LRMDA: variants seen among roughly 807,000 people sequenced by gnomAD.
The protein encoded by LRMDA is leucine-rich melanocyte differentiation-associated protein.
LRMDA carries 18 observed loss-of-function variants against 29.8 expected under a neutral mutation model. The ratio of observed to expected loss-of-function variants is 0.60; its 90% CI spans 0.42 to 0.90. The LOEUF (loss-of-function observed/expected upper bound fraction) is 0.90, where lower values mean the gene tolerates loss of function less well. Among genes scored for constraint, LRMDA ranks in the 40% least tolerant of loss-of-function variants. The pLI is 0.00. For synonymous variants in LRMDA, 125 were observed against 109.4 expected, an observed-to-expected ratio of 1.14 and a Z score of -0.89; for missense variants, 273 against 273.9, an observed-to-expected ratio of 1.00 and a Z score of 0.02.
chr10:76,503,506 T>A (rs1842931728), intron 6 of LRMDA, among the ~76,000 whole-genome samples: 1 of 151,248 alleles, frequency 6.6e-6, no homozygotes, highest in Non-Finnish European at 1.5e-5. Flanking sequence ...CAATTTTGAA[T>A]GTGTTATTGT....
intron 2 of LRMDA, among the ~76,000 whole-genome samples, chr10:75,857,035 A>G (rs1485749943): frequency 1.3e-5 from 2 of 152,192 alleles, no homozygotes; most frequent in Non-Finnish European, 2.9e-5. Flanking sequence ...TTATACACCA[A>G]TAACAGACAA....
chr10:76,191,213 G>A (rs1851239930), intron 5 of LRMDA, among the ~76,000 whole-genome samples: 1 of 152,110 alleles, frequency 6.6e-6, no homozygotes. Context: ...GCGGTAAGAT[G>A]GGGTGCACTG....
intron 2 of LRMDA, among the ~76,000 whole-genome samples, chr10:75,775,753 T>C (rs571269655): frequency 1.3e-5 from 2 of 152,340 alleles, no homozygotes; most frequent in Middle Eastern, 6.8e-3. Flanking sequence ...TCAATTCTTA[T>C]GGCATTGTCC....
At chr10:75,460,216 G>A (rs370051032) in intron 2 of LRMDA, among the ~76,000 whole-genome samples, 8 of 152,288 alleles carry the variant, frequency 5.3e-5, no homozygotes, top group Admixed American at 3.3e-4. Flanking sequence ...AGAAGAAGCT[G>A]TATTTTGAAA....
intron 6 of LRMDA, among the ~76,000 whole-genome samples, chr10:76,380,852 C>T (rs1213291197): frequency 1.3e-5 from 2 of 151,360 alleles, no homozygotes; most frequent in Admixed American, 1.3e-4. Context: ...ATGTTAATTG[C>T]CACTGTTAAC....
chr10:75,765,587 A>AT (rs59724081), intron 2 of LRMDA, among the ~76,000 whole-genome samples: 8,184 of 148,960 alleles, frequency 0.055, 568 homozygotes, highest in African/African-American at 0.17. Context: ...GGTGTGCTCC[A>AT]TTTTTTTTTT....
chr10:75,632,208 C>T (rs755594606), intron 2 of LRMDA, among the ~76,000 whole-genome samples: 44 of 152,270 alleles, frequency 2.9e-4, no homozygotes, highest in Middle Eastern at 3.4e-3. Flanking sequence ...GGATATCAGC[C>T]TCTTAAACTT....
chr10:75,761,964 C>A (rs1277541654), intron 2 of LRMDA, among the ~76,000 whole-genome samples: 2 of 152,006 alleles, frequency 1.3e-5, no homozygotes, highest in African/African-American at 4.8e-5. Flanking sequence ...CCACGCCTGG[C>A]TAATTTTTAA....
intron 5 of LRMDA, among the ~76,000 whole-genome samples, chr10:76,184,598 G>A (rs1470508255): frequency 1.6e-4 from 25 of 152,194 alleles, no homozygotes; most frequent in Admixed American, 1.6e-3. Context: ...AGTGTATGAA[G>A]TGGGTAAGGA....
intron 2 of LRMDA, among the ~76,000 whole-genome samples, chr10:75,812,110 T>C (rs1843974013): frequency 1.1e-4 from 2 of 18,670 alleles, no homozygotes; most frequent in Admixed American, 8.4e-4. Context: ...TAATTGTGAT[T>C]TTTTTTTTTT....
chr10:75,967,046 G>A (rs1164286577), intron 2 of LRMDA, among the ~76,000 whole-genome samples: 1 of 152,200 alleles, frequency 6.6e-6, no homozygotes, highest in African/African-American at 2.4e-5. Context: ...AGGAGGCTGA[G>A]CTCCCTTTAG....
chr10:76,331,495 A>G (rs1840904773), intron 6 of LRMDA, among the ~76,000 whole-genome samples: 1 of 152,240 alleles, frequency 6.6e-6, no homozygotes, highest in African/African-American at 2.4e-5. Flanking sequence ...TAGAAGCACA[A>G]CAGATCCAAA....
intron 2 of LRMDA, among the ~76,000 whole-genome samples, chr10:75,795,117 T>C (rs1277280672): frequency 6.6e-6 from 1 of 152,096 alleles, no homozygotes; most frequent in Non-Finnish European, 1.5e-5. Context: ...GGATTCTGGC[T>C]GGGCACAGTG....
chr10:75,894,429 T>C (rs952762841), intron 2 of LRMDA, among the ~76,000 whole-genome samples: 4 of 152,240 alleles, frequency 2.6e-5, no homozygotes, highest in Non-Finnish European at 5.9e-5. Flanking sequence ...ACTTGTTGAT[T>C]GTTGGGCATT....
intron 2 of LRMDA, among the ~76,000 whole-genome samples, chr10:75,802,707 A>G (rs1843775289): frequency 6.6e-6 from 1 of 152,142 alleles, no homozygotes; most frequent in African/African-American, 2.4e-5. Flanking sequence ...GCACATAATA[A>G]GTGCGTAGAA....
intron 5 of LRMDA, among the ~76,000 whole-genome samples, chr10:76,086,754 G>A (rs1191378531): frequency 6.6e-6 from 1 of 152,186 alleles, no homozygotes; most frequent in Non-Finnish European, 1.5e-5. Flanking sequence ...ATAAATGGAT[G>A]GCAGCTGCTA....
intron 2 of LRMDA, among the ~76,000 whole-genome samples, chr10:75,636,447 A>G (rs1217895895): frequency 1.3e-5 from 2 of 152,244 alleles, no homozygotes; most frequent in African/African-American, 4.8e-5. Flanking sequence ...TGCATTTAGC[A>G]CAATGCTGGT....
chr10:76,033,016 A>G (rs985891815), intron 2 of LRMDA, among the ~76,000 whole-genome samples: 2 of 152,134 alleles, frequency 1.3e-5, no homozygotes, highest in Non-Finnish European at 2.9e-5. Context: ...ATCTACACAC[A>G]TATTTTTTCT....
At position 75,774,778 on chromosome 10, in the gene LRMDA, T is replaced by C. The variant is rs114497501; in HGVS notation, c.132-261230T>C. On this transcript the variant is annotated intron_variant, in intron 2 of 6. Coordinates refer to ENST00000611255, the MANE Select transcript of LRMDA (RefSeq NM_001305581.2). ...GACAAGTTAAATAAGATATTACCAC[T>C]AAATAACAACGTACCCACGGCAGTT... Among the ~76,000 whole-genome samples the C allele has an allele frequency of 9.2e-4, 140 of 152,290 alleles. 1 individual carries two copies. The highest frequency in any genetic ancestry group is 3.3e-3 in the African/African-American group (136 of 41,576).
Sources: gnomAD v4.1 joint callset for allele counts (sites outside exome capture counted in the v4.1 genomes callset) on GRCh38, gnomAD v4.1.1 for gene constraint, MANE v1.5 for transcripts, NCBI Gene and HGNC (gene_info 2026-07-23, HGNC 2026-07-21) for gene names.